The following METRNL variants were observed in gnomAD, a reference collection of about 807,000 sequenced individuals.
METRNL encodes the protein meteorin-like protein.
In METRNL, 9 loss-of-function variants were observed where a neutral mutation model predicts 17.4. That is an observed-to-expected ratio of 0.52 (90% CI 0.31 to 0.90). METRNL has a LOEUF of 0.90. METRNL is among the 40% of genes least tolerant of loss of function. METRNL has a pLI of 0.05. For missense variants in METRNL, 408 were observed against 430.7 expected, an observed-to-expected ratio of 0.95 and a Z score of 0.47; for synonymous variants, 215 against 199.3, an observed-to-expected ratio of 1.08 and a Z score of -0.66.
intron 2 of METRNL, among the ~76,000 whole-genome samples, chr17:83,091,239 C>T (rs1309459126): frequency 3.3e-5 from 5 of 150,864 alleles, no homozygotes; most frequent in East Asian, 3.9e-4. Context: ...CAGGCTGGAC[C>T]GGGCCTCGAG....
intron 1 of METRNL, 141 bp downstream of exon 1, chr17:83,080,126 G>T: frequency 3.7e-6 from 1 of 272,196 alleles, no homozygotes; most frequent in Non-Finnish European, 5.7e-6. Flanking sequence ...GCCCAGTCCG[G>T]TGCCCGCTGT....
At chr17:83,093,023 G>T in intron 2 of METRNL, 144 bp from the exon 3 acceptor site, 1 of 646,940 alleles carries the variant, frequency 1.5e-6, no homozygotes, top group Non-Finnish European at 2.8e-6. Context: ...CACATTTGAA[G>T]TGGCGTTGGT....
intron 1 of METRNL, chr17:83,083,958 G>A (rs2038018616): frequency 6.6e-6 from 1 of 152,216 alleles, no homozygotes. Flanking sequence ...GCCACGAGCT[G>A]GCATTTACGT....
At chr17:83,093,328 C>T in intron 3 of METRNL, 102 bp downstream of exon 3, 1 of 1,001,428 alleles carries the variant, frequency 1.0e-6, no homozygotes, top group Non-Finnish European at 1.5e-6. Context: ...GGACAGCCTT[C>T]CGGTGCTGCG....
intron 2 of METRNL, among the ~76,000 whole-genome samples, chr17:83,090,038 C>T (rs556200155): frequency 9.9e-4 from 150 of 152,118 alleles, no homozygotes; most frequent in African/African-American, 2.2e-3. Context: ...TCACAGAGGG[C>T]GAAGTGCTAG....
intron 1 of METRNL, chr17:83,084,667 G>A (rs553292355): frequency 2.1e-5 from 11 of 524,218 alleles, no homozygotes; most frequent in Middle Eastern, 4.9e-4. Flanking sequence ...GACAAGCACC[G>A]CCTGCACTCC....
At chr17:83,089,468 C>T (rs1314681584) in intron 2 of METRNL, among the ~76,000 whole-genome samples, 3 of 152,168 alleles carry the variant, frequency 2.0e-5, no homozygotes, top group African/African-American at 7.2e-5. Context: ...GCCGGTCCTG[C>T]CTCTCTACTT....
intron 1 of METRNL, among the ~76,000 whole-genome samples, chr17:83,081,807 A>T (rs1048965156): frequency 6.6e-6 from 1 of 152,020 alleles, no homozygotes; most frequent in Non-Finnish European, 1.5e-5. Context: ...CGTAAGTGAG[A>T]CTTCCTTTTG....
chr17:83,085,219 T>C lies in METRNL; in HGVS notation c.452T>C (p.Leu151Pro). 6.2e-7 allele frequency: 1 copy of C among 1,601,254 alleles called. No homozygotes were observed. The highest frequency in any genetic ancestry group is 8.5e-7 in the Non-Finnish European group (1 of 1,172,556). Residue 151 changes from leucine to proline, a missense_variant, in exon 2 of 4, where the codon CTG becomes CCG. Leu to Pro is a moderately conservative substitution (Grantham distance 98, BLOSUM62 -3). Coordinates refer to ENST00000320095, the MANE Select transcript of METRNL (RefSeq NM_001004431.3). ...TGTTTTGGCCTGGAGCAGGGCGGCC[T>C]GTTCGTGGAGGCCACGCCGCAGCAG... ...VQCFGLEQGG[L>P]FVEATPQQDI... is the part of the protein sequence containing the mutation.
chr17:83,090,951 G>A (rs1422053059), intron 2 of METRNL, among the ~76,000 whole-genome samples: 1 of 152,170 alleles, frequency 6.6e-6, no homozygotes, highest in African/African-American at 2.4e-5. Context: ...CGAGTGGGAT[G>A]GGGGTCCACA....
chr17:83,089,354 A>G (rs548035185), intron 2 of METRNL, among the ~76,000 whole-genome samples: 115 of 152,306 alleles, frequency 7.6e-4, no homozygotes, highest in Middle Eastern at 3.4e-3. Context: ...TCGTGGCCAC[A>G]GAGGTTTCCC....
intron 2 of METRNL, among the ~76,000 whole-genome samples, chr17:83,087,954 A>G (rs1372385582): frequency 6.6e-6 from 1 of 152,202 alleles, no homozygotes; most frequent in Non-Finnish European, 1.5e-5. Flanking sequence ...CCAGGAGGAA[A>G]TCCCCCGCTC....
intron 1 of METRNL, chr17:83,082,189 G>A (rs2037997899): frequency 1.0e-6 from 1 of 985,448 alleles, no homozygotes; most frequent in Non-Finnish European, 1.2e-6. Context: ...CTGTCAGCCC[G>A]GGCATCGCAG....
At position 83,094,589 on chromosome 17, in the gene METRNL, T is replaced by C. The variant is rs1038385212; in HGVS notation, c.*14T>C. ...GGCACGGACTGACTCCGTGGGCCGC[T>C]GCCCTTCCTCTCCTGATGAGTCACA... On this transcript the variant is annotated 3_prime_UTR_variant, in exon 4 of 4. Transcript: ENST00000320095. 2 of 1,436,526 alleles carry C rather than the reference T, an allele frequency of 1.4e-6. No homozygotes were observed. The highest frequency in any genetic ancestry group is 2.9e-5 in the African/African-American group (2 of 69,762). The allele number at this position is 1,436,526 out of a possible 1,614,324, so 89.0% of individuals were successfully genotyped here. A position where few individuals can be genotyped will look rare whatever the true frequency, so the allele number is the denominator to read the frequency against.
chr17:83,080,014 G>C (rs765561637), intron 1 of METRNL, 29 bp downstream of exon 1: 17 of 1,010,028 alleles, frequency 1.7e-5, no homozygotes, highest in Non-Finnish European at 2.0e-5. Context: ...ACCCCGGCCC[G>C]GCCCCCTCCC....
At chr17:83,088,660 G>A (rs896964755) in intron 2 of METRNL, among the ~76,000 whole-genome samples, 1 of 140,708 alleles carries the variant, frequency 7.1e-6, no homozygotes, top group Non-Finnish European at 1.6e-5. Context: ...GCCGTCCCTG[G>A]CTCTCCAGGA....
At chr17:83,089,211 G>A (rs1263825255) in intron 2 of METRNL, among the ~76,000 whole-genome samples, 2 of 151,992 alleles carry the variant, frequency 1.3e-5, no homozygotes, top group African/African-American at 2.4e-5. Flanking sequence ...GCCCACTGGA[G>A]CCCACCCTCC....
chr17:83,081,062 C>T (rs1253867604), intron 1 of METRNL, among the ~76,000 whole-genome samples: 1 of 151,590 alleles, frequency 6.6e-6, no homozygotes, highest in African/African-American at 2.4e-5. Flanking sequence ...GGAGCCTCCC[C>T]GGGGGAAGGG....
At chr17:83,090,116 T>C (rs1274345068) in intron 2 of METRNL, among the ~76,000 whole-genome samples, 142 of 144,558 alleles carry the variant, frequency 9.8e-4, no homozygotes, top group African/African-American at 3.3e-3. Flanking sequence ...TGGGCTCCCC[T>C]GCCCCAGGGT....
Sources: gnomAD v4.1 joint callset for allele counts (sites outside exome capture counted in the v4.1 genomes callset) on GRCh38, gnomAD v4.1.1 for gene constraint, MANE v1.5 for transcripts, NCBI Gene and HGNC (gene_info 2026-07-23, HGNC 2026-07-21) for gene names.